ZNF536: variants seen among roughly 807,000 people sequenced by gnomAD.
ZNF536 encodes zinc finger protein 536.
In ZNF536, 13 loss-of-function variants were observed where a neutral mutation model predicts 84.5. The observed-to-expected ratio is 0.15, with a 90% CI of 0.10 to 0.24. ZNF536 has a LOEUF of 0.24. ZNF536 is among the 10% of genes least tolerant of loss of function. ZNF536 has a pLI of 1.00. For synonymous variants in ZNF536, 811 were observed against 742.5 expected (o/e 1.09, Z -1.50); for missense variants, 1,536 against 1,747.5 (o/e 0.88, Z 2.16).
chr19:30,373,843 CGGAG>C (rs951405362), intron 1 of ZNF536, among the ~76,000 whole-genome samples: 2 of 152,218 alleles, frequency 1.3e-5, no homozygotes. Context: ...TCTACACACA[CGGAG>C]GAGGAGCGGC....
At chr19:30,557,022 C>A (rs1379568221) in intron 4 of ZNF536, 135 bp from the exon 5 acceptor site, 5 of 1,043,654 alleles carry the variant, frequency 4.8e-6, no homozygotes, top group Non-Finnish European at 5.7e-6. Context: ...GACAGAAGGA[C>A]CAAATTTTAT....
At chr19:30,606,291 T>TAAAATAAAATAAAATAAAATA (rs112144534) in intron 1 of ZNF536, among the ~76,000 whole-genome samples, 1 of 55,748 alleles carries the variant, frequency 1.8e-5, no homozygotes, top group South Asian at 6.2e-4. Context: ...TAAAATAAAA[T>TAAAATAAAATAAAATAAAATA]AAATAAAATA....
chr19:30,327,210 A>G (rs2047069008), intron 2 of ZNF536, among the ~76,000 whole-genome samples: 1 of 152,166 alleles, frequency 6.6e-6, no homozygotes, highest in Non-Finnish European at 1.5e-5. Context: ...GCCTTTTGTT[A>G]AAGGACACAG....
intron 1 of ZNF536, among the ~76,000 whole-genome samples, chr19:30,602,087 G>T (rs772303474): frequency 6.6e-6 from 1 of 152,214 alleles, no homozygotes; most frequent in Non-Finnish European, 1.5e-5. Context: ...ACCCATTAGC[G>T]TTATCTGCAG....
At chr19:30,300,020 A>G (rs1231454497) in intron 2 of ZNF536, among the ~76,000 whole-genome samples, 4 of 152,202 alleles carry the variant, frequency 2.6e-5, no homozygotes, top group African/African-American at 7.2e-5. Flanking sequence ...AAATTCCACT[A>G]CTTTTCAGAC....
chr19:30,603,740 C>T (rs2047772951), intron 1 of ZNF536, among the ~76,000 whole-genome samples: 1 of 152,138 alleles, frequency 6.6e-6, no homozygotes, highest in Admixed American at 6.5e-5. Context: ...AAAAAAAGCA[C>T]ATGTGATTTG....
At position 30,620,571 on chromosome 19, in the gene ZNF536, G is replaced by A. The variant is rs117398459; in HGVS notation, c.169+71057G>A. Among the ~76,000 whole-genome samples, 1,130 of 152,206 alleles carry A rather than the reference G, an allele frequency of 7.4e-3. 11 individuals are homozygous for A. The highest frequency in any genetic ancestry group is 0.011 in the Non-Finnish European group (718 of 68,006). ...GTGGGCACCCTCCCTCCTCTGAGAC[G>A]GCCTCTCTCCTGGGCCACTGTGCAG... On this transcript the variant is annotated intron_variant, in intron 1 of 1. Transcript: ENST00000592773.
chr19:30,312,284 T>C (rs1035926703), intron 2 of ZNF536, among the ~76,000 whole-genome samples: 3 of 151,828 alleles, frequency 2.0e-5, no homozygotes, highest in Admixed American at 6.6e-5. Context: ...CACCCCAGGA[T>C]GAACAGAGGG....
chr19:30,640,352 G>T (rs906048995), intron 1 of ZNF536, among the ~76,000 whole-genome samples: 1 of 152,226 alleles, frequency 6.6e-6, no homozygotes, highest in African/African-American at 2.4e-5. Context: ...TTTGTTACAG[G>T]CTCTTTTACT....
chr19:30,385,379 C>T (rs1000544711), intron 1 of ZNF536, among the ~76,000 whole-genome samples: 2 of 152,108 alleles, frequency 1.3e-5, no homozygotes, highest in African/African-American at 4.8e-5. Context: ...GGAAGCAGTG[C>T]TGGTTGCACT....
chr19:30,461,104 C>T (rs2053114670), intron 2 of ZNF536, among the ~76,000 whole-genome samples: 1 of 152,288 alleles, frequency 6.6e-6, no homozygotes, highest in Non-Finnish European at 1.5e-5. Context: ...CCCTGTTTCC[C>T]AGGAGTGTTC....
chr19:30,367,701 G>A (rs2048480895), upstream of ZNF536, among the ~76,000 whole-genome samples: 1 of 152,218 alleles, frequency 6.6e-6, no homozygotes, highest in Admixed American at 6.5e-5. Context: ...CTGGTCGCGT[G>A]ACAGCAGCGC....
At chr19:30,639,014 TTA>T (rs2049171740) in intron 1 of ZNF536, among the ~76,000 whole-genome samples, 1 of 152,246 alleles carries the variant, frequency 6.6e-6, no homozygotes, top group African/African-American at 2.4e-5. Flanking sequence ...TCAGGTATAG[TTA>T]TTCTAAAGTC....
At chr19:30,522,283 A>ATATGT (rs59462054) in intron 2 of ZNF536, among the ~76,000 whole-genome samples, 2 of 42,374 alleles carry the variant, frequency 4.7e-5, no homozygotes, top group South Asian at 1.2e-3. Flanking sequence ...ACATATATAT[A>ATATGT]ATATATATAT....
chr19:30,454,665 C>T (rs1177717187), intron 2 of ZNF536, among the ~76,000 whole-genome samples: 1 of 152,188 alleles, frequency 6.6e-6, no homozygotes, highest in Non-Finnish European at 1.5e-5. Context: ...AGAGAGAAGG[C>T]TTGGCAGTGT....
At chr19:30,239,411 C>A (rs1011075561) in intron 1 of ZNF536, among the ~76,000 whole-genome samples, 1 of 152,196 alleles carries the variant, frequency 6.6e-6, no homozygotes, top group Non-Finnish European at 1.5e-5. Context: ...TGAACGGAAC[C>A]TATGTCAGTG....
intron 2 of ZNF536, among the ~76,000 whole-genome samples, chr19:30,473,232 A>G (rs1345504875): frequency 6.6e-6 from 1 of 151,736 alleles, no homozygotes; most frequent in African/African-American, 2.4e-5. Flanking sequence ...TAATAATAAT[A>G]ATAATGGTAG....
At chr19:30,514,734 C>T (rs1291237045) in intron 2 of ZNF536, among the ~76,000 whole-genome samples, 1 of 151,998 alleles carries the variant, frequency 6.6e-6, no homozygotes, top group African/African-American at 2.4e-5. Flanking sequence ...CTGTCTTGGC[C>T]TCCACATCCA....
intron 2 of ZNF536, among the ~76,000 whole-genome samples, chr19:30,515,518 G>T (rs553779981): frequency 2.6e-5 from 4 of 152,106 alleles, no homozygotes; most frequent in Non-Finnish European, 4.4e-5. Context: ...GAAGTGTCCC[G>T]TGCTGTTAGG....
Sources: allele counts gnomAD v4.1 joint callset (sites outside exome capture counted in the v4.1 genomes callset), GRCh38; gene constraint gnomAD v4.1.1; transcripts MANE v1.5; gene names NCBI Gene and HGNC (gene_info 2026-07-23, HGNC 2026-07-21).